The following CADPS2 variants were observed in gnomAD, a reference collection of about 807,000 sequenced individuals.
CADPS2 encodes calcium-dependent secretion activator 2.
Under a neutral mutation model 172.5 loss-of-function variants are expected in CADPS2, and 93 were observed. That is an observed-to-expected ratio of 0.54 (90% CI 0.46 to 0.64). CADPS2 has a LOEUF of 0.64. CADPS2 is among the 30% of genes least tolerant of loss of function. The probability of loss-of-function intolerance (pLI) is 0.00; values close to 1 mark genes in which losing one functional copy is unlikely to be tolerated. For missense variants in CADPS2, 1,420 were observed against 1,565.9 expected, an observed-to-expected ratio of 0.91 and a Z score of 1.57; for synonymous variants, 546 against 555.2, an observed-to-expected ratio of 0.98 and a Z score of 0.23.
chr7:122,423,464 G>A (rs1414700979), intron 17 of CADPS2, among the ~76,000 whole-genome samples: 1 of 152,162 alleles, frequency 6.6e-6, no homozygotes, highest in Admixed American at 6.5e-5. Context: ...ATCTGGGGGT[G>A]AGGTGGTTCC....
intron 1 of CADPS2, among the ~76,000 whole-genome samples, chr7:122,818,387 C>G (rs531449627): frequency 6.6e-6 from 1 of 152,106 alleles, no homozygotes; most frequent in African/African-American, 2.4e-5. Context: ...TAATTCTTGT[C>G]GTAAAATAGG....
intron 28 of CADPS2, among the ~76,000 whole-genome samples, chr7:122,334,265 TCAG>T (rs2035488066): frequency 6.6e-6 from 1 of 152,178 alleles, no homozygotes; most frequent in Non-Finnish European, 1.5e-5. Flanking sequence ...GTTGATGTAC[TCAG>T]CCCTCCAGAG....
chr7:122,849,760 T>C lies in CADPS2; in HGVS notation c.339+36239A>G, dbSNP rs759500014. On this transcript the variant is annotated intron_variant, in intron 1 of 29. Coordinates refer to ENST00000449022, the MANE Select transcript of CADPS2 (RefSeq NM_017954.11). ...CAGTAGAAGCTCCAACAATGGCCAGTAAAAACTGTCCCCAAGCCAGCCCCC... is the reference window on the plus strand; with the variant it reads ...CAGTAGAAGCTCCAACAATGGCCAGCAAAAACTGTCCCCAAGCCAGCCCCC... The C allele has an allele frequency of 7.6e-4, 337 of 443,764 alleles. 1 individual carries two copies. The highest frequency in any genetic ancestry group is 1.1e-3 in the Non-Finnish European group (242 of 226,182). The allele number at this position is 443,764 out of a possible 1,614,324, so 27.5% of individuals were successfully genotyped here. A position where few individuals can be genotyped will look rare whatever the true frequency, so the allele number is the denominator to read the frequency against.
chr7:122,530,014 G>A (rs2061621612), intron 8 of CADPS2, among the ~76,000 whole-genome samples: 1 of 151,928 alleles, frequency 6.6e-6, no homozygotes, highest in African/African-American at 2.4e-5. Flanking sequence ...GACATATTTT[G>A]GAATTAGTGC....
At chr7:122,826,519 C>A (rs1395902129) in intron 1 of CADPS2, among the ~76,000 whole-genome samples, 2 of 150,954 alleles carry the variant, frequency 1.3e-5, no homozygotes, top group African/African-American at 2.4e-5. Flanking sequence ...TTTAAGGTGG[C>A]CATAATAAAA....
At chr7:122,779,670 G>A (rs1792164052) in intron 1 of CADPS2, among the ~76,000 whole-genome samples, 1 of 151,976 alleles carries the variant, frequency 6.6e-6, no homozygotes, top group South Asian at 2.1e-4. Flanking sequence ...CTTTCTAATA[G>A]TACTTCAACA....
At chr7:122,838,215 GA>G in intron 1 of CADPS2, among the ~76,000 whole-genome samples, 1 of 152,236 alleles carries the variant, frequency 6.6e-6, no homozygotes, top group South Asian at 2.1e-4. Flanking sequence ...AAAGGCCTTT[GA>G]CAAAATTCAA....
At chr7:122,505,119 A>G (rs1031816030) in intron 9 of CADPS2, among the ~76,000 whole-genome samples, 1 of 152,230 alleles carries the variant, frequency 6.6e-6, no homozygotes, top group Admixed American at 6.5e-5. Flanking sequence ...TTATATAATT[A>G]ACATGTTCAT....
chr7:122,493,727 T>A (rs2058504732), intron 9 of CADPS2, among the ~76,000 whole-genome samples: 1 of 151,736 alleles, frequency 6.6e-6, no homozygotes, highest in Non-Finnish European at 1.5e-5. Flanking sequence ...AATCTTTTTT[T>A]TTTTTTTTTT....
At chr7:122,474,282 A>G (rs1303177047) in intron 13 of CADPS2, 99 bp downstream of exon 13, 1 of 1,269,574 alleles carries the variant, frequency 7.9e-7, no homozygotes, top group African/African-American at 1.5e-5. Context: ...CTGGTTTATA[A>G]CAAGTATTTC....
chr7:122,448,682 C>T (rs1274662179), intron 15 of CADPS2, among the ~76,000 whole-genome samples: 1 of 152,020 alleles, frequency 6.6e-6, no homozygotes, highest in African/African-American at 2.4e-5. Flanking sequence ...TATAGCAATC[C>T]CATGTCCATG....
chr7:122,764,793 C>T (rs559252884), intron 1 of CADPS2, among the ~76,000 whole-genome samples: 6 of 152,042 alleles, frequency 3.9e-5, no homozygotes, highest in Non-Finnish European at 5.9e-5. Flanking sequence ...AAATGTACTG[C>T]GTGCATCGAA....
intron 1 of CADPS2, among the ~76,000 whole-genome samples, chr7:122,754,037 G>A (rs1016660372): frequency 2.6e-5 from 4 of 152,128 alleles, no homozygotes; most frequent in Admixed American, 6.6e-5. Flanking sequence ...TAGGAGCTGT[G>A]CAGTGTTACA....
At chr7:122,646,263 C>T (rs2078541483) in intron 3 of CADPS2, among the ~76,000 whole-genome samples, 1 of 152,042 alleles carries the variant, frequency 6.6e-6, no homozygotes, top group Non-Finnish European at 1.5e-5. Flanking sequence ...ACACAAGTAA[C>T]ATTACTGTAC....
intron 1 of CADPS2, among the ~76,000 whole-genome samples, chr7:122,770,802 A>G (rs575161872): frequency 8.5e-5 from 13 of 152,330 alleles, no homozygotes; most frequent in African/African-American, 3.1e-4. Context: ...CAGAAGCATC[A>G]GCAGGTGCAG....
intron 2 of CADPS2, among the ~76,000 whole-genome samples, chr7:122,691,034 T>A (rs1343889100): frequency 6.6e-6 from 1 of 152,196 alleles, no homozygotes; most frequent in Non-Finnish European, 1.5e-5. Context: ...GTCCCAAGAC[T>A]TCTTGTAACT....
At chr7:122,749,179 G>T (rs536824978) in intron 1 of CADPS2, among the ~76,000 whole-genome samples, 14 of 152,160 alleles carry the variant, frequency 9.2e-5, no homozygotes, top group Admixed American at 3.9e-4. Context: ...TTTCTCCCAC[G>T]TATCACTGAA....
chr7:122,676,149 ACTGT>A (rs1390845787), intron 2 of CADPS2, among the ~76,000 whole-genome samples: 1 of 152,206 alleles, frequency 6.6e-6, no homozygotes, highest in Non-Finnish European at 1.5e-5. Context: ...CGAAACTTGG[ACTGT>A]CTAAATTATT....
At chr7:122,373,824 A>G (rs956975779) in intron 25 of CADPS2, among the ~76,000 whole-genome samples, 8 of 152,220 alleles carry the variant, frequency 5.3e-5, no homozygotes, top group Non-Finnish European at 8.8e-5. Flanking sequence ...AAACATTTAA[A>G]GAAGAATTAA....
Sources: allele counts gnomAD v4.1 joint callset (sites outside exome capture counted in the v4.1 genomes callset), GRCh38; gene constraint gnomAD v4.1.1; transcripts MANE v1.5; gene names NCBI Gene and HGNC (gene_info 2026-07-23, HGNC 2026-07-21).